RRM2: variants seen among roughly 807,000 people sequenced by gnomAD.
RRM2 encodes the protein ribonucleotide reductase regulatory subunit M2, also known as ribonucleoside-diphosphate reductase subunit M2.
Under a neutral mutation model 45.9 loss-of-function variants are expected in RRM2, and 6 were observed. The observed-to-expected ratio is 0.13, with a 90% CI of 0.07 to 0.26. The LOEUF (loss-of-function observed/expected upper bound fraction) is 0.26, where lower values mean the gene tolerates loss of function less well. RRM2 is among the 10% of genes least tolerant of loss of function. The pLI is 1.00. For missense variants in RRM2, 343 were observed against 489.5 expected (o/e 0.70, Z 2.82); for synonymous variants, 177 against 173.0 (o/e 1.02, Z -0.18).
chr2:10,174,199 G>A (rs1663866563), intron 3 of RRM2, among the ~76,000 whole-genome samples: 1 of 152,224 alleles, frequency 6.6e-6, no homozygotes, highest in African/African-American at 2.4e-5. Flanking sequence ...ACTGGGCCCT[G>A]GCTGCACCTT....
chr2:10,175,866 A>G (rs1289938797), intron 3 of RRM2, among the ~76,000 whole-genome samples: 2 of 152,014 alleles, frequency 1.3e-5, no homozygotes, highest in Non-Finnish European at 2.9e-5. Flanking sequence ...TCAGCCTCCC[A>G]AAGTGCTGGG....
At chr2:10,183,749 T>G (rs1179889511) in intron 3 of RRM2, among the ~76,000 whole-genome samples, 1 of 149,882 alleles carries the variant, frequency 6.7e-6, no homozygotes, top group Non-Finnish European at 1.5e-5. Flanking sequence ...GAGCTGAGAT[T>G]GCGCCACCGC....
chr2:10,171,544 C>T lies in RRM2; in HGVS notation n.482+29169C>T, dbSNP rs1181150002. On this transcript the variant is annotated intron_variant and non_coding_transcript_variant, in intron 3 of 3. Transcript: ENST00000381786. This position sits in a 1 kb window ranked among gnomAD's most constrained non-coding sequence, Gnocchi z 4.1. ...CAGGGCTTGGCAAGGTGGTGTCCCC[C>T]GGTCAGTGCCAGAGTCTCCCTAATG... Among the ~76,000 whole-genome samples, 2 of 152,184 alleles carry T rather than the reference C, an allele frequency of 1.3e-5. No individual in the cohort carries two copies. Among genetic ancestry groups the T allele is most frequent in the African/African-American group, 2.4e-5 (1 of 41,448 alleles).
intron 3 of RRM2, among the ~76,000 whole-genome samples, chr2:10,148,230 T>C (rs1235573108): frequency 6.6e-6 from 1 of 151,948 alleles, no homozygotes; most frequent in East Asian, 1.9e-4. Flanking sequence ...TTTTGTTTAA[T>C]GTATCATTTC....
At chr2:10,202,663 A>G (rs1359697571) in intron 3 of RRM2, among the ~76,000 whole-genome samples, 1 of 152,160 alleles carries the variant, frequency 6.6e-6, no homozygotes, top group Non-Finnish European at 1.5e-5. Flanking sequence ...GGTTTATCTC[A>G]GGGTTGGAAT....
At chr2:10,143,380 C>T (rs911064242) in intron 3 of RRM2, among the ~76,000 whole-genome samples, 4 of 152,354 alleles carry the variant, frequency 2.6e-5, no homozygotes, top group East Asian at 3.9e-4. Flanking sequence ...TTTACCACTT[C>T]GCTTTTTCAT....
intron 2 of RRM2, 85 bp from the exon 3 acceptor site, chr2:10,123,302 G>T (rs1662706833): frequency 6.8e-7 from 1 of 1,480,204 alleles, no homozygotes. Flanking sequence ...TGAAATTGCC[G>T]CCAATGGAAA....
downstream of RRM2, among the ~76,000 whole-genome samples, chr2:10,136,094 G>A (rs144230328): frequency 3.3e-5 from 5 of 152,310 alleles, no homozygotes; most frequent in African/African-American, 1.2e-4. Context: ...GTGAGAAGAT[G>A]TTCCATCTTC....
At chr2:10,126,590 C>T (rs539384881) in intron 5 of RRM2, 1 of 355,638 alleles carries the variant, frequency 2.8e-6, no homozygotes, top group Admixed American at 4.4e-5. Flanking sequence ...AATGTCCCTG[C>T]TGTACTGGAC....
At chr2:10,176,838 T>C (rs868345212) in intron 3 of RRM2, among the ~76,000 whole-genome samples, 1 of 152,230 alleles carries the variant, frequency 6.6e-6, no homozygotes, top group African/African-American at 2.4e-5. Flanking sequence ...TTTCTGGTGG[T>C]CATAGGCACC....
At chr2:10,128,243 G>A (rs903145376) in intron 7 of RRM2, among the ~76,000 whole-genome samples, 1 of 152,162 alleles carries the variant, frequency 6.6e-6, no homozygotes, top group African/African-American at 2.4e-5. Context: ...GCATTTCAAT[G>A]AAATGAGTAT....
rs368263708 is a variant in RRM2, at chr2:10,171,428, G to A, written n.482+29053G>A. Among the ~76,000 whole-genome samples, 116 of 152,346 alleles carry A rather than the reference G, an allele frequency of 7.6e-4. No individual in the cohort carries two copies. Among genetic ancestry groups the A allele is most frequent in the African/African-American group, 2.7e-3 (113 of 41,588 alleles). ...GCATCTCCCGCCTTCCTCCTGAGCCGTGCTTCCAGGGCAGCCCCGGCCCTT... is the reference window on the plus strand; with the variant it reads ...GCATCTCCCGCCTTCCTCCTGAGCCATGCTTCCAGGGCAGCCCCGGCCCTT... On this transcript the variant is annotated intron_variant and non_coding_transcript_variant, in intron 3 of 3. Transcript: ENST00000381786. The surrounding 1 kb of genome is among the most constrained non-coding windows in gnomAD (Gnocchi z 4.1).
intron 3 of RRM2, among the ~76,000 whole-genome samples, chr2:10,157,522 A>C (rs759121467): frequency 2.1e-4 from 32 of 152,086 alleles, no homozygotes; most frequent in Non-Finnish European, 4.0e-4. Flanking sequence ...AGGCGCCTCC[A>C]TCTCCACTTC....
intron 3 of RRM2, among the ~76,000 whole-genome samples, chr2:10,167,873 G>A (rs1663715438): frequency 6.6e-6 from 1 of 152,110 alleles, no homozygotes; most frequent in Non-Finnish European, 1.5e-5. Flanking sequence ...TGTCTGCTTG[G>A]CCAGAGGAAT....
chr2:10,133,122 G>A (rs796816691), downstream of RRM2, among the ~76,000 whole-genome samples: 43 of 152,306 alleles, frequency 2.8e-4, no homozygotes, highest in African/African-American at 9.9e-4. Flanking sequence ...ACCAGTGGAC[G>A]TCAGTCCTGG....
downstream of RRM2, among the ~76,000 whole-genome samples, chr2:10,132,874 A>C (rs1318634063): frequency 6.6e-6 from 1 of 152,166 alleles, no homozygotes; most frequent in Non-Finnish European, 1.5e-5. Flanking sequence ...CCCCGGCCCC[A>C]TGCCAGCTGC....
intron 3 of RRM2, chr2:10,155,140 A>T: frequency 3.0e-6 from 1 of 330,232 alleles, no homozygotes; most frequent in Non-Finnish European, 5.8e-6. Flanking sequence ...CACAAGGAAG[A>T]CATCACTCTC....
intron 3 of RRM2, among the ~76,000 whole-genome samples, chr2:10,158,020 G>A (rs1023409788): frequency 1.3e-5 from 2 of 152,176 alleles, no homozygotes; most frequent in African/African-American, 4.8e-5. Context: ...CTAAATGAAT[G>A]CATTTCTGGG....
At chr2:10,125,008 C>T in intron 5 of RRM2, 158 bp downstream of exon 5, 3 of 582,306 alleles carry the variant, frequency 5.2e-6, no homozygotes, top group Non-Finnish European at 5.9e-6. Flanking sequence ...TAGCAAGGGG[C>T]CTAAATGCAC....
Sources: gnomAD v4.1 joint callset for allele counts (sites outside exome capture counted in the v4.1 genomes callset) on GRCh38, gnomAD v4.1.1 for gene constraint, Gnocchi (gnomAD v3.1) non-coding constraint, MANE v1.5 for transcripts, NCBI Gene and HGNC (gene_info 2026-07-23, HGNC 2026-07-21) for gene names.